Variants in CCDC178 observed in about 807,000 individuals in gnomAD.
CCDC178 encodes coiled-coil domain-containing protein 178.
CCDC178 carries 126 observed loss-of-function variants against 117.4 expected under a neutral mutation model. The observed-to-expected ratio is 1.07, with a 90% confidence interval of 0.93 to 1.24. The LOEUF is 1.24. Ranked by LOEUF, CCDC178 falls within the 50% of genes most tolerant of loss-of-function variation. The pLI, the probability that CCDC178 is intolerant of heterozygous loss-of-function variation, is 0.00. For missense variants in CCDC178, 1,030 were observed against 986.9 expected (o/e 1.04, Z -0.59); for synonymous variants, 283 against 313.4 (o/e 0.90, Z 1.02).
chr18:33,274,355 A>G (rs1042032594), intron 12 of CCDC178, among the ~76,000 whole-genome samples: 19 of 152,008 alleles, frequency 1.2e-4, no homozygotes, highest in African/African-American at 4.6e-4. Context: ...GCAGTTCCTC[A>G]AAATGTTAAA....
chr18:33,396,939 A>G (rs371242601), intron 4 of CCDC178, among the ~76,000 whole-genome samples: 2 of 152,300 alleles, frequency 1.3e-5, no homozygotes, highest in African/African-American at 4.8e-5. Flanking sequence ...CAAAACGAAA[A>G]AGGAAACACA....
chr18:33,088,131 T>A (rs2057409990), intron 21 of CCDC178, among the ~76,000 whole-genome samples: 1 of 151,964 alleles, frequency 6.6e-6, no homozygotes, highest in Admixed American at 6.6e-5. Context: ...GGACTCGAGA[T>A]CACAACCTTT....
chr18:33,250,436 A>G (rs1021684922), intron 14 of CCDC178, among the ~76,000 whole-genome samples: 19 of 25,922 alleles, frequency 7.3e-4, no homozygotes, highest in Non-Finnish European at 2.2e-4. Context: ...ACTGCTGCCT[A>G]AAAAATAGAC....
chr18:32,987,310 T>C (rs537248488), intron 21 of CCDC178, among the ~76,000 whole-genome samples: 49 of 152,078 alleles, frequency 3.2e-4, no homozygotes, highest in African/African-American at 1.2e-3. Flanking sequence ...AAATTATTGA[T>C]TACAGGCATA....
intron 20 of CCDC178, among the ~76,000 whole-genome samples, chr18:33,170,056 T>TTG (rs35832872): frequency 0.025 from 3,664 of 148,268 alleles, 47 homozygotes; most frequent in Non-Finnish European, 0.03. Context: ...TCCCAGGCAT[T>TTG]TGTGTGTGTG....
At chr18:32,996,028 C>A (rs1221480926) in intron 21 of CCDC178, among the ~76,000 whole-genome samples, 2 of 151,108 alleles carry the variant, frequency 1.3e-5, no homozygotes, top group Non-Finnish European at 3.0e-5. Context: ...AGTGCAAAGT[C>A]AAATATAAAA....
chr18:33,096,106 T>C (rs2057538213), intron 20 of CCDC178, among the ~76,000 whole-genome samples: 1 of 149,784 alleles, frequency 6.7e-6, no homozygotes, highest in African/African-American at 2.5e-5. Context: ...AAATAGTAGT[T>C]CTACTCCCCA....
intron 20 of CCDC178, among the ~76,000 whole-genome samples, chr18:33,115,334 CA>C: frequency 6.6e-6 from 1 of 152,020 alleles, no homozygotes; most frequent in Admixed American, 6.6e-5. Context: ...CTTGGTTTAT[CA>C]AAATGTACTA....
intron 20 of CCDC178, among the ~76,000 whole-genome samples, chr18:33,136,896 T>C (rs2058134289): frequency 6.6e-6 from 1 of 152,188 alleles, no homozygotes; most frequent in Non-Finnish European, 1.5e-5. Flanking sequence ...CATTAATACA[T>C]AATTGTTAAG....
intron 6 of CCDC178, among the ~76,000 whole-genome samples, chr18:33,362,107 CT>C (rs2063137297): frequency 6.6e-6 from 1 of 151,226 alleles, no homozygotes; most frequent in Non-Finnish European, 1.5e-5. Flanking sequence ...GTTTGTGTCT[CT>C]GTGTATGTAC....
intron 15 of CCDC178, among the ~76,000 whole-genome samples, chr18:33,244,252 A>G (rs1288051270): frequency 1.3e-5 from 2 of 151,784 alleles, no homozygotes; most frequent in African/African-American, 2.4e-5. Context: ...TTTTTTGCTC[A>G]TAAGTCTTTA....
intron 21 of CCDC178, among the ~76,000 whole-genome samples, chr18:33,059,846 C>A (rs2144957221): frequency 6.6e-6 from 1 of 152,236 alleles, no homozygotes; most frequent in Non-Finnish European, 1.5e-5. Context: ...TAAAATGTTT[C>A]AATGTCTTCC....
intron 11 of CCDC178, among the ~76,000 whole-genome samples, chr18:33,306,498 T>G (rs1480295296): frequency 7.0e-6 from 1 of 141,982 alleles, no homozygotes; most frequent in African/African-American, 2.8e-5. Context: ...TGGTTATATA[T>G]ATATGGTTAT....
At chr18:33,199,287 T>C (rs1286441578) in intron 20 of CCDC178, among the ~76,000 whole-genome samples, 2 of 152,166 alleles carry the variant, frequency 1.3e-5, no homozygotes, top group African/African-American at 2.4e-5. Context: ...TATGAATTTA[T>C]ATAGATTAAA....
chr18:33,198,663 T>G (rs1028599923), intron 20 of CCDC178, among the ~76,000 whole-genome samples: 11 of 152,204 alleles, frequency 7.2e-5, no homozygotes, highest in Admixed American at 7.2e-4. Context: ...CACTGATATA[T>G]AAATATATAC....
At chr18:33,137,110 T>A (rs1227818597) in intron 20 of CCDC178, among the ~76,000 whole-genome samples, 2 of 152,048 alleles carry the variant, frequency 1.3e-5, no homozygotes, top group East Asian at 3.9e-4. Flanking sequence ...GACAAAGAGA[T>A]CAATCTGGAA....
chr18:33,180,994 C>CT lies in CCDC178; in HGVS notation c.2238+30901dup, dbSNP rs940735359. ...CACAATTTGGTGCATCCTCTAATGACTTTTTTTTTCTAAAGGCAGCTTATA... is the reference window on the plus strand; with the variant it reads ...CACAATTTGGTGCATCCTCTAATGACTTTTTTTTTTCTAAAGGCAGCTTATA... On this transcript the variant is annotated intron_variant, in intron 20 of 22. Coordinates refer to ENST00000383096, the MANE Select transcript of CCDC178 (RefSeq NM_001105528.4). Among the ~76,000 whole-genome samples, 9 of 151,608 alleles carry CT rather than the reference C, an allele frequency of 5.9e-5. No individual in the cohort carries two copies. In the East Asian group the frequency reaches 7.8e-4, roughly 13 times the overall value.
Position 33,301,575 on chromosome 18 carries a change from T to A in CCDC178, c.1023-8263A>T, listed in dbSNP as rs2062176932. Among the ~76,000 whole-genome samples the A allele has an allele frequency of 2.6e-5, 4 of 152,332 alleles. No homozygotes were observed. In the South Asian group the frequency reaches 8.3e-4, roughly 32 times the overall value. ...CCTTGCAAAGCCACAAGAATGGAACTGTCAAGGTCTTAAAAACTGACCCCT... is the reference window on the plus strand; with the variant it reads ...CCTTGCAAAGCCACAAGAATGGAACAGTCAAGGTCTTAAAAACTGACCCCT... On this transcript the variant is annotated intron_variant, in intron 11 of 22. Transcript: ENST00000383096.
intron 21 of CCDC178, among the ~76,000 whole-genome samples, chr18:33,010,730 G>T (rs1474378125): frequency 2.0e-5 from 3 of 152,100 alleles, no homozygotes; most frequent in East Asian, 1.9e-4. Context: ...TTGCTCTAAA[G>T]AATTAATTTT....
Sources: gnomAD v4.1 joint callset for allele counts (sites outside exome capture counted in the v4.1 genomes callset) on GRCh38, gnomAD v4.1.1 for gene constraint, MANE v1.5 for transcripts, NCBI Gene and HGNC (gene_info 2026-07-23, HGNC 2026-07-21) for gene names.